Variants in FBXO22 observed in about 807,000 individuals in gnomAD.
The protein encoded by FBXO22 is F-box only protein 22.
In FBXO22, 13 loss-of-function variants were observed where a neutral mutation model predicts 37.2. The ratio of observed to expected loss-of-function variants is 0.35; its 90% CI spans 0.23 to 0.56. FBXO22 has a LOEUF of 0.56. FBXO22 is among the 20% of genes least tolerant of loss of function. The pLI, the probability that FBXO22 is intolerant of heterozygous loss-of-function variation, is 0.87. For synonymous variants in FBXO22, 189 were observed against 189.1 expected (o/e 1.00, Z 0.00); for missense variants, 446 against 509.9 (o/e 0.87, Z 1.21).
intron 5 of FBXO22, among the ~76,000 whole-genome samples, chr15:75,919,321 T>C (rs1900267531): frequency 1.3e-5 from 2 of 152,186 alleles, no homozygotes; most frequent in Non-Finnish European, 2.9e-5. Flanking sequence ...TTAAGTGTTC[T>C]TACTACAAAA....
Position 75,939,090 on chromosome 15 carries a change from TAATA to T in FBXO22, c.*5991_*5994del, listed in dbSNP as rs1054128557. 3.3e-5 allele frequency: 5 copies of T among 151,904 alleles called. No individual in the cohort carries two copies. The highest frequency in any genetic ancestry group is 4.8e-5 in the African/African-American group (2 of 41,356). The allele number at this position is 151,904 out of a possible 1,614,324, so 9.4% of individuals were successfully genotyped here. A position where few individuals can be genotyped will look rare whatever the true frequency, so the allele number is the denominator to read the frequency against. Reference sequence around the variant, plus strand: ...TCCAAAGCTAGCAGATGGAAGGAAATAATAAAGATTAGAACAGATATAATAAATT... The same window carrying T: ...TCCAAAGCTAGCAGATGGAAGGAAATAAGATTAGAACAGATATAATAAATT... On this transcript the variant is annotated 3_prime_UTR_variant, in exon 7 of 7. Coordinates refer to ENST00000308275, the MANE Select transcript of FBXO22 (RefSeq NM_147188.3).
rs549630093 is a variant in FBXO22, at chr15:75,936,650, T to C, written c.*3548T>C. The C allele has an allele frequency of 2.6e-5, 4 of 152,218 alleles. No homozygotes were observed. Among genetic ancestry groups the C allele is most frequent in the African/African-American group, 9.6e-5 (4 of 41,510 alleles). 9.4% of individuals were successfully genotyped at this position (152,218 alleles called of 1,614,324 possible). Reference sequence around the variant, plus strand: ...AGTATAATGGCACAATCTCGACTCATTGCAACCTCCACCTCCTGGGTTCAA... The same window carrying C: ...AGTATAATGGCACAATCTCGACTCACTGCAACCTCCACCTCCTGGGTTCAA... On this transcript the variant is annotated 3_prime_UTR_variant, in exon 7 of 7. Coordinates refer to ENST00000308275, the MANE Select transcript of FBXO22 (RefSeq NM_147188.3).
intron 2 of FBXO22, among the ~76,000 whole-genome samples, chr15:75,907,023 A>C (rs1275885969): frequency 6.6e-6 from 1 of 152,210 alleles, no homozygotes; most frequent in Admixed American, 6.5e-5. Flanking sequence ...AAGAAAGCCA[A>C]AATGTTAGCT....
In FBXO22 at chr15:75,935,349, A is replaced by G. The variant is rs1342009613; in HGVS notation, c.*2247A>G. ...CATGAAAAAAATGTGAGCATAAAAAAGAGAAGTAAAGGTGTACCATTAGCC... is the reference window on the plus strand; with the variant it reads ...CATGAAAAAAATGTGAGCATAAAAAGGAGAAGTAAAGGTGTACCATTAGCC... On this transcript the variant is annotated 3_prime_UTR_variant, in exon 7 of 7. Coordinates refer to ENST00000308275, the MANE Select transcript of FBXO22 (RefSeq NM_147188.3). 6.6e-6 allele frequency: 1 copy of G among 152,222 alleles called. No homozygotes were observed. Among genetic ancestry groups the G allele is most frequent in the African/African-American group, 2.4e-5 (1 of 41,454 alleles). 9.4% of individuals were successfully genotyped at this position (152,222 alleles called of 1,614,324 possible). A position where few individuals can be genotyped will look rare whatever the true frequency, so the allele number is the denominator to read the frequency against.
chr15:75,904,744 A>G (rs1595909210), intron 2 of FBXO22, 115 bp downstream of exon 2: 1 of 1,108,604 alleles, frequency 9.0e-7, no homozygotes, highest in East Asian at 2.7e-5. Flanking sequence ...CGTTCCGTGA[A>G]AAGATTTTGT....
chr15:75,939,439 A>G lies in FBXO22; in HGVS notation c.*6337A>G, dbSNP rs1448217123. The stretch of plus-strand genomic sequence containing the variant: ...GAATTAGTAATCAAAATTCTCCTGG[A>G]AAAAAAGCACTGGACCTGATGGTTT... On this transcript the variant is annotated 3_prime_UTR_variant, in exon 7 of 7. Coordinates refer to ENST00000308275, the MANE Select transcript of FBXO22 (RefSeq NM_147188.3). 1 of 152,182 alleles carries G rather than the reference A, an allele frequency of 6.6e-6. No homozygotes were observed. Among genetic ancestry groups the G allele is most frequent in the African/African-American group, 2.4e-5 (1 of 41,450 alleles). The allele number at this position is 152,182 out of a possible 1,614,324, so 9.4% of individuals were successfully genotyped here.
At chr15:75,905,013 T>A (rs990156120) in intron 2 of FBXO22, among the ~76,000 whole-genome samples, 1 of 152,010 alleles carries the variant, frequency 6.6e-6, no homozygotes, top group Non-Finnish European at 1.5e-5. Flanking sequence ...TTAGTAGAGA[T>A]GGGGTTTCAC....
intron 2 of FBXO22, 34 bp downstream of exon 2, chr15:75,904,663 G>T (rs191258743): frequency 1.5e-4 from 226 of 1,550,386 alleles, no homozygotes; most frequent in Admixed American, 1.2e-3. Flanking sequence ...ACAGTCATTT[G>T]CAGGTTGGTG....
rs2030133198 is a variant in FBXO22 at position 75,933,325 on chromosome 15, GA to G, written c.*225del. 6.2e-6 allele frequency: 3 copies of G among 485,384 alleles called. No individual in the cohort carries two copies. Among genetic ancestry groups the G allele is most frequent in the African/African-American group, 5.9e-5 (3 of 50,958 alleles). The allele number at this position is 485,384 out of a possible 1,614,324, so 30.1% of individuals were successfully genotyped here. A position where few individuals can be genotyped will look rare whatever the true frequency, so the allele number is the denominator to read the frequency against. On this transcript the variant is annotated 3_prime_UTR_variant, in exon 7 of 7. Transcript: ENST00000308275. Reference sequence around the variant, plus strand: ...GAGTTGAGAGCTTTTGCATCAGGCAGAAGCAAACTGATTATAGTTGTGTTGC... The same window carrying G: ...GAGTTGAGAGCTTTTGCATCAGGCAGAGCAAACTGATTATAGTTGTGTTGC...
chr15:75,920,999 T>C (rs1206956840), intron 5 of FBXO22, among the ~76,000 whole-genome samples: 1 of 152,158 alleles, frequency 6.6e-6, no homozygotes, highest in Non-Finnish European at 1.5e-5. Flanking sequence ...TGTTGTTGTG[T>C]GAATGTCATA....
rs1187992692 is a variant in FBXO22 at position 75,917,347 on chromosome 15, A to G, written c.581A>G (p.Lys194Arg). ...AAAATACAACCCTTTCATTTTATTA[A>G]GGATCCAAAGAATTTAACATTAGAA... ...GIKIQPFHFIKDPKNLTLERH... is the reference protein window; with the variant it reads ...GIKIQPFHFIRDPKNLTLERH... The change falls in exon 5 of 7, where the codon AAG becomes AGG. Residue 194 changes from lysine to arginine, a missense_variant. This residue lies in a region of FBXO22 where 315 missense variants were observed against 410.1 expected (regional missense o/e 0.77). Coordinates refer to ENST00000308275, the MANE Select transcript of FBXO22 (RefSeq NM_147188.3). 3.1e-6 allele frequency: 5 copies of G among 1,606,698 alleles called. No individual in the cohort carries two copies. Among genetic ancestry groups the G allele is most frequent in the African/African-American group, 1.3e-5 (1 of 74,720 alleles).
chr15:75,927,386 G>C (rs1042164680), intron 5 of FBXO22, among the ~76,000 whole-genome samples: 1 of 152,188 alleles, frequency 6.6e-6, no homozygotes, highest in African/African-American at 2.4e-5. Context: ...CTAGAGCTTA[G>C]AAAACAGGAG....
At chr15:75,919,578 G>A (rs1378142720) in intron 5 of FBXO22, among the ~76,000 whole-genome samples, 1 of 152,086 alleles carries the variant, frequency 6.6e-6, no homozygotes, top group Non-Finnish European at 1.5e-5. Context: ...TCTATAAAGT[G>A]GAAATAACTA....
chr15:75,939,327 C>G lies in FBXO22; in HGVS notation c.*6225C>G, dbSNP rs1260350748. 6.6e-6 allele frequency: 1 copy of G among 152,000 alleles called. No individual in the cohort carries two copies. Among genetic ancestry groups the G allele is most frequent in the African/African-American group, 2.4e-5 (1 of 41,380 alleles). The allele number at this position is 152,000 out of a possible 1,614,324, so 9.4% of individuals were successfully genotyped here. ...CCTTCGACAATCTAGATGAAATGCT[C>G]AAAGTCCTAGAAATGCAAAACGTAC... On this transcript the variant is annotated 3_prime_UTR_variant, in exon 7 of 7. Coordinates refer to ENST00000308275, the MANE Select transcript of FBXO22 (RefSeq NM_147188.3).
intron 3 of FBXO22, 37 bp downstream of exon 3, chr15:75,913,327 T>C (rs1213855671): frequency 7.2e-7 from 1 of 1,398,006 alleles, no homozygotes; most frequent in Admixed American, 1.7e-5. Flanking sequence ...TTCTGTTTTT[T>C]TATCATGTGC....
intron 5 of FBXO22, among the ~76,000 whole-genome samples, chr15:75,923,632 TGTG>T (rs1567054914): frequency 3.3e-5 from 5 of 152,226 alleles, no homozygotes; most frequent in African/African-American, 7.2e-5. Flanking sequence ...CTTGCTATGA[TGTG>T]GTGATCATTT....
At chr15:75,904,760 T>C in intron 2 of FBXO22, 131 bp downstream of exon 2, 1 of 906,334 alleles carries the variant, frequency 1.1e-6, no homozygotes, top group Non-Finnish European at 1.6e-6. Context: ...TTTGTAAACA[T>C]CAGTTTTAGT....
intron 4 of FBXO22, among the ~76,000 whole-genome samples, chr15:75,915,862 T>TG (rs1255994098): frequency 6.6e-6 from 1 of 150,496 alleles, no homozygotes; most frequent in African/African-American, 2.5e-5. Flanking sequence ...ATCACGCCAT[T>TG]GCACTCCATC....
intron 5 of FBXO22, among the ~76,000 whole-genome samples, chr15:75,929,568 A>G (rs1276806616): frequency 1.3e-5 from 2 of 151,572 alleles, no homozygotes; most frequent in Non-Finnish European, 2.9e-5. Context: ...GTCTACCAAG[A>G]GTTGCTGCTC....
Sources: gnomAD v4.1 joint callset for allele counts (sites outside exome capture counted in the v4.1 genomes callset) on GRCh38, gnomAD v4.1.1 for gene constraint, gnomAD v4.1.1 regional missense constraint, MANE v1.5 for transcripts, NCBI Gene and HGNC (gene_info 2026-07-23, HGNC 2026-07-21) for gene names.